Variants in PRRC1 observed in about 807,000 individuals in gnomAD.
PRRC1 encodes the protein proline rich coiled-coil 1.
Under a neutral mutation model 40.7 loss-of-function variants are expected in PRRC1, and 39 were observed. That is an observed-to-expected ratio of 0.96 (90% CI 0.74 to 1.25). The LOEUF is 1.25. PRRC1 is among the 50% of genes most tolerant of loss of function. The pLI is 0.00. For missense variants in PRRC1, 573 were observed against 548.3 expected (o/e 1.05, Z -0.45); for synonymous variants, 175 against 193.3 (o/e 0.91, Z 0.79).
chr5:127,539,141 CAAGT>C lies in PRRC1; in HGVS notation c.1025+3_1025+6del. ...ACTTCATTGCAGAATTGCTGCCTGA[CAAGT>C]AAGTGTATTATGTTTCTCTTGGAAG... On this transcript the variant is annotated splice_donor_variant and coding_sequence_variant, in exon 7 of 9. Coordinates refer to ENST00000296666, the MANE Select transcript of PRRC1 (RefSeq NM_130809.5). LOFTEE classifies it high-confidence loss of function. 6.2e-7 allele frequency: 1 copy of C among 1,610,452 alleles called. No homozygotes were observed. Among genetic ancestry groups the C allele is most frequent in the East Asian group, 2.2e-5 (1 of 44,826 alleles).
chr5:127,527,068 A>C lies in PRRC1; in HGVS notation c.654+290A>C, dbSNP rs113936882. 6.7e-3 allele frequency among the ~76,000 whole-genome samples: 1,024 copies of C among 152,288 alleles called. 5 individuals are homozygous for C. The highest frequency in any genetic ancestry group is 0.024 in the African/African-American group (987 of 41,568). On this transcript the variant is annotated intron_variant, in intron 4 of 8. Coordinates refer to ENST00000296666, the MANE Select transcript of PRRC1 (RefSeq NM_130809.5). ...TTCCTGGCCGTAAAATATTTTTTTC[A>C]GAAATGTATTTTGGTTTCTCTTATG...
At position 127,546,472 on chromosome 5, in the gene PRRC1, T is replaced by C. The variant is rs150578461; in HGVS notation, c.1026-1347T>C. 2.0e-5 allele frequency among the ~76,000 whole-genome samples: 3 copies of C among 152,328 alleles called. No individual in the cohort carries two copies. The East Asian group carries it at 5.8e-4, about 29-fold the overall frequency. ...AATGCATAGTAATCTTTGAAAACCA[T>C]TGTTTAGAAAACAAAACTCTAGAGT... On this transcript the variant is annotated intron_variant, in intron 7 of 8. Coordinates refer to ENST00000296666, the MANE Select transcript of PRRC1 (RefSeq NM_130809.5).
At position 127,530,331 on chromosome 5, in the gene PRRC1, A is replaced by G. The variant is rs1329264838; in HGVS notation, c.692A>G (p.Asp231Gly). 1.9e-6 allele frequency: 3 copies of G among 1,613,980 alleles called. No individual in the cohort carries two copies. The highest frequency in any genetic ancestry group is 3.3e-5 in the Admixed American group (2 of 60,012). ...AGNPMVKSVL[D>G]KTKHSVESMI... is the part of the protein sequence containing the mutation. Reference sequence around the variant, plus strand: ...AATCCTATGGTGAAGTCTGTGCTTGATAAGACAAAACATTCAGTAGAAAGC... The same window carrying G: ...AATCCTATGGTGAAGTCTGTGCTTGGTAAGACAAAACATTCAGTAGAAAGC... The change falls in exon 5 of 9, where the codon GAT becomes GGT. Residue 231 changes from aspartate (D) to glycine (G), a missense_variant. Coordinates refer to ENST00000296666, the MANE Select transcript of PRRC1 (RefSeq NM_130809.5).
At chr5:127,533,879 CT>C in intron 6 of PRRC1, 93 bp downstream of exon 6, 1 of 1,284,318 alleles carries the variant, frequency 7.8e-7, no homozygotes, top group Non-Finnish European at 1.1e-6. Context: ...AGCTAATAGA[CT>C]TTTACATACT....
chr5:127,551,765 T>G lies in PRRC1; in HGVS notation c.1187T>G (p.Val396Gly). The change falls in exon 9 of 9, where the codon GTG becomes GGG. Residue 396 changes from valine to glycine, a missense_variant. Coordinates refer to ENST00000296666, the MANE Select transcript of PRRC1 (RefSeq NM_130809.5). ...NLRWSGLLVT[V>G]GEVLEKSLLN... is the part of the protein sequence containing the mutation. ...AGGTGGTCAGGCCTTTTGGTGACAG[T>G]GGGTGAAGTCCTGGAAAAGAGTTTA... is the stretch of plus-strand genomic sequence containing the variant. The G allele has an allele frequency of 3.1e-6, 5 of 1,614,078 alleles. No homozygotes were observed. The highest frequency in any genetic ancestry group is 4.2e-6 in the Non-Finnish European group (5 of 1,179,984).
chr5:127,523,686 CTAT>C, intron 2 of PRRC1, 104 bp downstream of exon 2: 2 of 543,120 alleles, frequency 3.7e-6, no homozygotes, highest in Non-Finnish European at 6.1e-6. Flanking sequence ...TAAAACTTCT[CTAT>C]TATTTTTCAG....
chr5:127,551,506 T>TA, intron 8 of PRRC1: 1 of 571,072 alleles, frequency 1.8e-6, no homozygotes, highest in Non-Finnish European at 3.0e-6. Context: ...GGATATTTTT[T>TA]AAAAAATAGA....
chr5:127,519,931 G>A (rs747859361), intron 1 of PRRC1, among the ~76,000 whole-genome samples: 17 of 152,050 alleles, frequency 1.1e-4, no homozygotes, highest in Non-Finnish European at 1.9e-4. Flanking sequence ...TTTGTGCATG[G>A]CACCACCATC....
At chr5:127,530,491 TTGTG>T in intron 5 of PRRC1, 95 bp downstream of exon 5, 12 of 667,938 alleles carry the variant, frequency 1.8e-5, no homozygotes, top group Non-Finnish European at 2.7e-5. Flanking sequence ...TTTCCACTGA[TTGTG>T]TAATCAGTGG....
chr5:127,539,708 TTTG>T (rs1767988156), intron 7 of PRRC1, among the ~76,000 whole-genome samples: 1 of 152,230 alleles, frequency 6.6e-6, no homozygotes, highest in African/African-American at 2.4e-5. Flanking sequence ...GCATTATGGT[TTTG>T]TTGTTTTTAT....
At chr5:127,544,170 A>C (rs1449386413) in intron 7 of PRRC1, among the ~76,000 whole-genome samples, 1 of 152,176 alleles carries the variant, frequency 6.6e-6, no homozygotes, top group African/African-American at 2.4e-5. Flanking sequence ...TATCAGCAGC[A>C]GTGTCTGCAG....
chr5:127,548,822 G>A (rs1768295027), intron 8 of PRRC1: 1 of 151,882 alleles, frequency 6.6e-6, no homozygotes, highest in South Asian at 2.1e-4. Flanking sequence ...ATTGATGCTT[G>A]GAATTTGAAA....
intron 1 of PRRC1, among the ~76,000 whole-genome samples, chr5:127,520,948 A>G (rs930900320): frequency 1.4e-4 from 22 of 152,126 alleles, no homozygotes; most frequent in African/African-American, 5.3e-4. Context: ...TGCTGTTTCT[A>G]CATTTTTTTT....
chr5:127,527,691 C>G (rs1482312787), intron 4 of PRRC1, among the ~76,000 whole-genome samples: 2 of 149,036 alleles, frequency 1.3e-5, no homozygotes, highest in Non-Finnish European at 3.0e-5. Flanking sequence ...CCCAGGAGGT[C>G]CAGGCTGCTT....
chr5:127,520,753 A>G (rs138016650), intron 1 of PRRC1, among the ~76,000 whole-genome samples: 109 of 152,320 alleles, frequency 7.2e-4, no homozygotes, highest in African/African-American at 2.6e-3. Context: ...GATTGTGCAT[A>G]TGATGAAGCT....
chr5:127,544,360 G>T (rs530792251), intron 7 of PRRC1, among the ~76,000 whole-genome samples: 22 of 152,214 alleles, frequency 1.4e-4, no homozygotes, highest in East Asian at 3.8e-4. Flanking sequence ...CAGTCTGCCC[G>T]TTCTCAGATC....
At position 127,547,851 on chromosome 5, in the gene PRRC1, A is replaced by T. The variant is rs1293470614; in HGVS notation, c.1058A>T (p.Asp353Val). The T allele has an allele frequency of 6.2e-7, 1 of 1,613,430 alleles. No homozygotes were observed. Among genetic ancestry groups the T allele is most frequent in the East Asian group, 2.2e-5 (1 of 44,828 alleles). The change falls in exon 8 of 9, where the codon GAT (aspartate) becomes GTT (valine). Residue 353 changes from aspartate to valine, a missense_variant. Physicochemically the swap from Asp to Val is radical, Grantham distance 152 (BLOSUM62 -3). Transcript: ENST00000296666. The part of the protein sequence containing the change: ...WFDIGCLVVE[D>V]PVHGIHLETF... Reference sequence around the variant, plus strand: ...GACATTGGTTGTTTGGTGGTTGAAGATCCTGTCCATGGCATTCATCTAGAA... The same window carrying T: ...GACATTGGTTGTTTGGTGGTTGAAGTTCCTGTCCATGGCATTCATCTAGAA...
rs1767734804 is a variant in PRRC1, at chr5:127,530,352, A to G, written c.713A>G (p.Glu238Gly). 6.2e-7 allele frequency: 1 copy of G among 1,613,874 alleles called. No homozygotes were observed. Among genetic ancestry groups the G allele is most frequent in the Non-Finnish European group, 8.5e-7 (1 of 1,179,934 alleles). Residue 238 changes from glutamate to glycine, a missense_variant, in exon 5 of 9, where the codon GAA becomes GGA. Glu to Gly is a moderately conservative substitution (Grantham distance 98). Coordinates refer to ENST00000296666, the MANE Select transcript of PRRC1 (RefSeq NM_130809.5). ...CTTGATAAGACAAAACATTCAGTAG[A>G]AAGCATGATTACAACGCTGGACCCT... ...SVLDKTKHSVESMITTLDPGM... is the reference protein window; with the variant it reads ...SVLDKTKHSVGSMITTLDPGM...
chr5:127,551,649 T>C (rs1561690329), intron 8 of PRRC1, 58 bp from the exon 9 acceptor site: 2 of 1,509,052 alleles, frequency 1.3e-6, no homozygotes. Context: ...CACTTATAGC[T>C]AGTTCCAATG....
Sources: allele counts gnomAD v4.1 joint callset (sites outside exome capture counted in the v4.1 genomes callset), GRCh38; gene constraint gnomAD v4.1.1; transcripts MANE v1.5; gene names NCBI Gene and HGNC (gene_info 2026-07-23, HGNC 2026-07-21).